ARHGAP32: variants seen among roughly 807,000 people sequenced by gnomAD.
ARHGAP32 encodes Rho GTPase activating protein 32, also known as rho GTPase-activating protein 32.
A neutral mutation model predicts 186.5 loss-of-function variants in ARHGAP32; 51 were observed. The observed-to-expected ratio is 0.27, with a 90% CI of 0.22 to 0.35. The LOEUF (loss-of-function observed/expected upper bound fraction) is 0.35. Ranked by LOEUF, ARHGAP32 falls within the 10% of genes least tolerant of loss-of-function variation. The probability of loss-of-function intolerance (pLI) is 1.00; values close to 1 mark genes in which losing one functional copy is unlikely to be tolerated. For synonymous variants in ARHGAP32, 950 were observed against 964.3 expected (o/e 0.99, Z 0.27); for missense variants, 2,186 against 2,623.5 (o/e 0.83, Z 3.64).
At chr11:129,067,181 A>C (rs1242500297) in intron 6 of ARHGAP32, among the ~76,000 whole-genome samples, 2 of 152,106 alleles carry the variant, frequency 1.3e-5, no homozygotes, top group Admixed American at 1.3e-4. Context: ...AAATCTACCA[A>C]AAAGAAAAAA....
chr11:128,992,114 A>T (rs953733791), intron 12 of ARHGAP32, among the ~76,000 whole-genome samples: 3 of 152,170 alleles, frequency 2.0e-5, no homozygotes, highest in Non-Finnish European at 4.4e-5. Context: ...TATGACTACC[A>T]AAAGGATTAA....
intron 1 of ARHGAP32, among the ~76,000 whole-genome samples, chr11:129,167,494 C>A (rs187853553): frequency 1.6e-4 from 24 of 152,122 alleles, no homozygotes; most frequent in Admixed American, 1.1e-3. Context: ...GATAAATAAG[C>A]AAAATGCACT....
chr11:129,012,265 T>A (rs1366803575), intron 11 of ARHGAP32, among the ~76,000 whole-genome samples: 1 of 152,166 alleles, frequency 6.6e-6, no homozygotes, highest in Non-Finnish European at 1.5e-5. Flanking sequence ...AAACAAAGAT[T>A]TTCCATGTGA....
intron 2 of ARHGAP32, among the ~76,000 whole-genome samples, chr11:129,136,882 AAACT>A (rs769234435): frequency 2.3e-4 from 35 of 152,182 alleles, no homozygotes; most frequent in South Asian, 8.3e-4. Context: ...GTATCTTACC[AAACT>A]AACACTGATT....
At chr11:129,180,050 C>G (rs149167857) in intron 1 of ARHGAP32, among the ~76,000 whole-genome samples, 3 of 151,946 alleles carry the variant, frequency 2.0e-5, no homozygotes, top group Non-Finnish European at 2.9e-5. Context: ...AATACATTAG[C>G]AAGATCACTG....
intron 1 of ARHGAP32, among the ~76,000 whole-genome samples, chr11:129,235,616 C>T (rs1000811251): frequency 6.6e-6 from 1 of 152,026 alleles, no homozygotes; most frequent in Non-Finnish European, 1.5e-5. Context: ...TGAATAAATT[C>T]TTCAGTGGTG....
At chr11:129,193,674 A>T (rs1224845363), upstream of ARHGAP32, among the ~76,000 whole-genome samples, 43 of 49,980 alleles carry the variant, frequency 8.6e-4, no homozygotes, top group African/African-American at 2.5e-3. Context: ...TATTATATAT[A>T]ATATATAATA....
At chr11:129,020,741 C>G (rs1367756231) in intron 11 of ARHGAP32, among the ~76,000 whole-genome samples, 1 of 151,992 alleles carries the variant, frequency 6.6e-6, no homozygotes, top group East Asian at 1.9e-4. Context: ...AGTTTTTCAG[C>G]CTTGGGCTTC....
At chr11:129,171,550 A>G (rs558457820) in intron 1 of ARHGAP32, among the ~76,000 whole-genome samples, 1 of 152,274 alleles carries the variant, frequency 6.6e-6, no homozygotes, top group African/African-American at 2.4e-5. Context: ...TGGTACCAGT[A>G]CCCTGCTGTT....
At chr11:129,068,011 T>C (rs750956685) in intron 6 of ARHGAP32, among the ~76,000 whole-genome samples, 9 of 152,086 alleles carry the variant, frequency 5.9e-5, no homozygotes, top group Admixed American at 4.6e-4. Context: ...TGACCTTGGC[T>C]GAAAGGCAGA....
chr11:129,163,471 A>G (rs531249964), intron 2 of ARHGAP32, among the ~76,000 whole-genome samples: 2 of 152,322 alleles, frequency 1.3e-5, no homozygotes, highest in African/African-American at 4.8e-5. Flanking sequence ...GCATCTCAGT[A>G]CTATAAATTC....
At chr11:129,263,166 A>G (rs1402790222) in intron 1 of ARHGAP32, among the ~76,000 whole-genome samples, 1 of 152,198 alleles carries the variant, frequency 6.6e-6, no homozygotes, top group Non-Finnish European at 1.5e-5. Flanking sequence ...GAAATGTCAT[A>G]ACACTGGATT....
rs965625900 is a variant in ARHGAP32, at chr11:128,965,785, T to C, written c.*3122A>G. 2.0e-5 allele frequency: 3 copies of C among 152,238 alleles called. No homozygotes were observed. The highest frequency in any genetic ancestry group is 7.2e-5 in the African/African-American group (3 of 41,466). The allele number at this position is 152,238 out of a possible 1,614,324, so 9.4% of individuals were successfully genotyped here. A position where few individuals can be genotyped will look rare whatever the true frequency, so the allele number is the denominator to read the frequency against. ...CAGAGAAATGGACTTTGCAGGCTCC[T>C]TCTTTAACTAAAGGGGCAAATTTCA... On this transcript the variant is annotated 3_prime_UTR_variant, in exon 23 of 23. Coordinates refer to ENST00000682385, the MANE Select transcript of ARHGAP32 (RefSeq NM_001378024.1).
At chr11:129,009,850 G>A (rs1199256971) in intron 11 of ARHGAP32, among the ~76,000 whole-genome samples, 2 of 152,006 alleles carry the variant, frequency 1.3e-5, no homozygotes, top group African/African-American at 2.4e-5. Context: ...GGGATTGCTG[G>A]GTCAAATAGT....
Position 128,972,525 on chromosome 11 carries a change from T to C in ARHGAP32, c.3981A>G (p.Arg1327=). 1 of 1,556,334 alleles carries C rather than the reference T, an allele frequency of 6.4e-7. No homozygotes were observed. Among genetic ancestry groups the C allele is most frequent in the Admixed American group, 1.9e-5 (1 of 53,954 alleles). ...CCACAACTGGTGGCTGCTCTGCAGA[T>C]CTCTGGGAAGGCGGAGGGGGAAGGG... ...NRPLPPPPSQ[R]SAEQPPVVGQ... The change falls in exon 22 of 23, where the codon AGA becomes AGG. Residue 1327 remains arginine (R), a synonymous_variant. Transcript: ENST00000682385.
At chr11:129,166,940 T>C (rs547752684) in intron 1 of ARHGAP32, among the ~76,000 whole-genome samples, 1 of 152,274 alleles carries the variant, frequency 6.6e-6, no homozygotes, top group East Asian at 1.9e-4. Context: ...AGGATTTCTC[T>C]ATTGGTTGAG....
intron 1 of ARHGAP32, among the ~76,000 whole-genome samples, chr11:129,258,371 C>T (rs1241330874): frequency 6.6e-6 from 1 of 152,180 alleles, no homozygotes; most frequent in East Asian, 1.9e-4. Context: ...GATCTGATGG[C>T]TGCAGACCCC....
rs184065944 is a variant in ARHGAP32 at position 129,023,084 on chromosome 11, C to T, written c.1045+17844G>A. 1.2e-3 allele frequency among the ~76,000 whole-genome samples: 177 copies of T among 152,114 alleles called. 2 individuals are homozygous for T. In the East Asian group the frequency reaches 0.031, roughly 27 times the overall value. On this transcript the variant is annotated intron_variant, in intron 11 of 22. Coordinates refer to ENST00000682385, the MANE Select transcript of ARHGAP32 (RefSeq NM_001378024.1). ...AATCCTGGAAAGAAAAATGTTCAAC[C>T]TCTGTTAAGAAGTTGAACATACTAA...
chr11:129,182,083 T>C (rs1390180030), intron 1 of ARHGAP32, among the ~76,000 whole-genome samples: 1 of 152,156 alleles, frequency 6.6e-6, no homozygotes, highest in Non-Finnish European at 1.5e-5. Context: ...ACTTTCCATA[T>C]CAATACATAG....
Sources: allele counts gnomAD v4.1 joint callset (sites outside exome capture counted in the v4.1 genomes callset), GRCh38; gene constraint gnomAD v4.1.1; transcripts MANE v1.5; gene names NCBI Gene and HGNC (gene_info 2026-07-23, HGNC 2026-07-21).